The following EPHA6 variants were observed in gnomAD, a reference collection of about 807,000 sequenced individuals.
EPHA6 encodes the protein ephrin type-A receptor 6.
Under a neutral mutation model 112.0 loss-of-function variants are expected in EPHA6, and 50 were observed. That is an observed-to-expected ratio of 0.45 (90% CI 0.36 to 0.56). The LOEUF (loss-of-function observed/expected upper bound fraction) is 0.56, where lower values mean the gene tolerates loss of function less well. Ranked by LOEUF, EPHA6 falls within the 20% of genes least tolerant of loss-of-function variation. The pLI, the probability that EPHA6 is intolerant of heterozygous loss-of-function variation, is 0.00. For missense variants in EPHA6, 1,280 were observed against 1,417.4 expected, an observed-to-expected ratio of 0.90 and a Z score of 1.56; for synonymous variants, 529 against 490.7, an observed-to-expected ratio of 1.08 and a Z score of -1.03.
chr3:96,983,102 T>C (rs1397356987), intron 2 of EPHA6, among the ~76,000 whole-genome samples: 2 of 152,188 alleles, frequency 1.3e-5, no homozygotes, highest in Non-Finnish European at 2.9e-5. Flanking sequence ...ATTATGATGT[T>C]AACTGGTTAT....
chr3:96,832,181 C>T (rs891254437), intron 1 of EPHA6, among the ~76,000 whole-genome samples: 18 of 151,992 alleles, frequency 1.2e-4, no homozygotes, highest in African/African-American at 3.4e-4. Flanking sequence ...ATGTAATTAT[C>T]GAAATAACTT....
At chr3:96,986,779 T>A (rs2043037894) in intron 2 of EPHA6, among the ~76,000 whole-genome samples, 1 of 152,182 alleles carries the variant, frequency 6.6e-6, no homozygotes, top group Non-Finnish European at 1.5e-5. Flanking sequence ...TAAATATTTA[T>A]CGAATAAGCC....
At chr3:97,461,786 G>A (rs2090897014) in intron 7 of EPHA6, among the ~76,000 whole-genome samples, 1 of 152,070 alleles carries the variant, frequency 6.6e-6, no homozygotes, top group South Asian at 2.1e-4. Context: ...ATTCCCCAAG[G>A]TATGTTGACC....
At chr3:97,493,604 G>T (rs539474828) in intron 10 of EPHA6, among the ~76,000 whole-genome samples, 2 of 139,900 alleles carry the variant, frequency 1.4e-5, no homozygotes, top group South Asian at 2.1e-4. Context: ...TAAATTTTGG[G>T]GGGACACAAT....
At chr3:97,638,971 T>C (rs2093977188) in intron 14 of EPHA6, among the ~76,000 whole-genome samples, 1 of 152,170 alleles carries the variant, frequency 6.6e-6, no homozygotes, top group African/African-American at 2.4e-5. Context: ...TTTTATTTCA[T>C]GCTCTATGAG....
At chr3:97,466,280 AC>A in intron 7 of EPHA6, 1 of 1,306,282 alleles carries the variant, frequency 7.7e-7, no homozygotes. Context: ...TAGATAGAAA[AC>A]ATTCCCCTCA....
intron 5 of EPHA6, among the ~76,000 whole-genome samples, chr3:97,403,623 T>A (rs2087135694): frequency 6.6e-6 from 1 of 152,282 alleles, no homozygotes; most frequent in South Asian, 2.1e-4. Context: ...ATTTTGTGTA[T>A]TTTTAGTAGA....
At chr3:97,270,789 C>A (rs985173590) in intron 5 of EPHA6, among the ~76,000 whole-genome samples, 5 of 152,214 alleles carry the variant, frequency 3.3e-5, no homozygotes, top group African/African-American at 1.2e-4. Context: ...GTCTCCAGTG[C>A]AAACTCAGAA....
chr3:97,532,922 A>G (rs1386125702), intron 11 of EPHA6, among the ~76,000 whole-genome samples: 3 of 152,210 alleles, frequency 2.0e-5, no homozygotes, highest in East Asian at 3.9e-4. Flanking sequence ...ATATACAAAT[A>G]TAAAATGCTT....
At chr3:97,361,312 C>A (rs1161129885) in intron 5 of EPHA6, among the ~76,000 whole-genome samples, 1 of 152,134 alleles carries the variant, frequency 6.6e-6, no homozygotes, top group African/African-American at 2.4e-5. Context: ...CAGCTTGAGT[C>A]TTTTGCAAAA....
chr3:97,703,824 GA>G (rs1352563948), intron 14 of EPHA6, among the ~76,000 whole-genome samples: 2 of 152,020 alleles, frequency 1.3e-5, no homozygotes, highest in Admixed American at 1.3e-4. Context: ...TTTTCAGGGG[GA>G]AAAAAGTAAA....
chr3:97,310,902 T>A lies in EPHA6; in HGVS notation c.1606+66615T>A, dbSNP rs187149099. Reference sequence around the variant, plus strand: ...ACAATGAAGATTACAAAAATCCATGTTCTTTGTACAGCTAACCCTGATATC... The same window carrying A: ...ACAATGAAGATTACAAAAATCCATGATCTTTGTACAGCTAACCCTGATATC... On this transcript the variant is annotated intron_variant, in intron 5 of 17. Transcript: ENST00000389672. Among the ~76,000 whole-genome samples the A allele has an allele frequency of 7.4e-4, 113 of 151,822 alleles. 1 individual carries two copies. The highest frequency in any genetic ancestry group is 2.7e-3 in the African/African-American group (111 of 41,502).
At chr3:97,371,157 T>C (rs2085031016) in intron 5 of EPHA6, among the ~76,000 whole-genome samples, 1 of 152,060 alleles carries the variant, frequency 6.6e-6, no homozygotes, top group African/African-American at 2.4e-5. Context: ...CAGCATGGCA[T>C]TTTAGGTAAT....
At chr3:96,863,249 AT>A (rs968173950) in intron 1 of EPHA6, among the ~76,000 whole-genome samples, 2 of 151,682 alleles carry the variant, frequency 1.3e-5, no homozygotes, top group Non-Finnish European at 2.9e-5. Context: ...TGCTGATGTA[AT>A]TTTTTTTCTT....
chr3:96,994,730 T>TAGAGAGAGAGAGAGAGAGAGAG (rs1325190702), intron 3 of EPHA6, among the ~76,000 whole-genome samples: 7 of 82,828 alleles, frequency 8.5e-5, no homozygotes, highest in African/African-American at 1.4e-4. Context: ...TATATATATA[T>TAGAGAGAGAGAGAGAGAGAGAG]ATAGAGAGAG....
chr3:97,020,672 C>T (rs907365757), intron 3 of EPHA6, among the ~76,000 whole-genome samples: 6 of 152,156 alleles, frequency 3.9e-5, no homozygotes, highest in African/African-American at 1.4e-4. Flanking sequence ...GGAAGAGATT[C>T]CCACTGGTCC....
chr3:97,591,695 T>C (rs1440128002), intron 11 of EPHA6, among the ~76,000 whole-genome samples: 2 of 152,216 alleles, frequency 1.3e-5, no homozygotes, highest in Non-Finnish European at 2.9e-5. Flanking sequence ...CTTAAAGTTA[T>C]TAAGACACCA....
At chr3:97,543,624 C>A (rs537508732) in intron 11 of EPHA6, among the ~76,000 whole-genome samples, 1 of 152,080 alleles carries the variant, frequency 6.6e-6, no homozygotes, top group Non-Finnish European at 1.5e-5. Context: ...TTTTCCAATT[C>A]TGTGAAGAAA....
chr3:96,920,225 C>T (rs1024319724), intron 2 of EPHA6, among the ~76,000 whole-genome samples: 1 of 151,856 alleles, frequency 6.6e-6, no homozygotes, highest in Non-Finnish European at 1.5e-5. Flanking sequence ...TCTCTTCCTA[C>T]AGCCAAAGAT....
Sources: allele counts gnomAD v4.1 joint callset (sites outside exome capture counted in the v4.1 genomes callset), GRCh38; gene constraint gnomAD v4.1.1; transcripts MANE v1.5; gene names NCBI Gene and HGNC (gene_info 2026-07-23, HGNC 2026-07-21).